CBFA2T3: variants seen among roughly 807,000 people sequenced by gnomAD.
The protein encoded by CBFA2T3 is CBFA2/RUNX1 partner transcriptional co-repressor 3.
Under a neutral mutation model 58.6 loss-of-function variants are expected in CBFA2T3, and 31 were observed. That is an observed-to-expected ratio of 0.53 (90% CI 0.40 to 0.71). The LOEUF (loss-of-function observed/expected upper bound fraction) is 0.71. Ranked by LOEUF, CBFA2T3 falls within the 30% of genes least tolerant of loss-of-function variation. The pLI is 0.00. For synonymous variants in CBFA2T3, 531 were observed against 421.9 expected (o/e 1.26, Z -3.17); for missense variants, 1,076 against 963.1 (o/e 1.12, Z -1.55).
Position 88,885,630 on chromosome 16 carries a change from A to G in CBFA2T3, c.893+331T>C, listed in dbSNP as rs1969335064. The G allele has an allele frequency of 2.4e-6, 1 of 422,718 alleles. No homozygotes were observed. The highest frequency in any genetic ancestry group is 4.3e-6 in the Non-Finnish European group (1 of 234,930). The allele number at this position is 422,718 out of a possible 1,614,324, so 26.2% of individuals were successfully genotyped here. On this transcript the variant is annotated intron_variant, in intron 6 of 11. Transcript: ENST00000268679. The surrounding 1 kb of genome is among the most constrained non-coding windows in gnomAD (Gnocchi z 5.3). ...GCAGCACAAGAGCGTCTGGGGCAGC[A>G]GAGGGGGCCCAGCCCAGGCACCTGG...
chr16:88,896,899 C>T (rs1199234288), intron 3 of CBFA2T3, among the ~76,000 whole-genome samples: 1 of 152,256 alleles, frequency 6.6e-6, no homozygotes, highest in Admixed American at 6.5e-5. Flanking sequence ...CTCCCTCCCG[C>T]GCTGCTGGGC....
intron 1 of CBFA2T3, among the ~76,000 whole-genome samples, chr16:88,971,893 C>A (rs1382926901): frequency 6.6e-6 from 1 of 152,242 alleles, no homozygotes; most frequent in Non-Finnish European, 1.5e-5. Context: ...TGCCGGAAAA[C>A]CCCTGCCCAG....
intron 1 of CBFA2T3, chr16:88,957,724 G>C (rs1899433659): frequency 6.6e-6 from 1 of 152,318 alleles, no homozygotes; most frequent in Admixed American, 6.5e-5. Flanking sequence ...GCTCCAGTGG[G>C]GATGGACCCA....
At chr16:88,940,646 C>G (rs1971687292) in intron 1 of CBFA2T3, among the ~76,000 whole-genome samples, 1 of 152,148 alleles carries the variant, frequency 6.6e-6, no homozygotes, top group African/African-American at 2.4e-5. Context: ...CCTCCCCAGA[C>G]CGGCCGCCGC....
At chr16:88,935,024 G>A (rs1243734826) in intron 1 of CBFA2T3, among the ~76,000 whole-genome samples, 1 of 152,122 alleles carries the variant, frequency 6.6e-6, no homozygotes, top group Non-Finnish European at 1.5e-5. Flanking sequence ...ACAGGCGTAA[G>A]CCACCGTGCC....
At chr16:88,943,652 C>T (rs1483222707) in intron 1 of CBFA2T3, among the ~76,000 whole-genome samples, 1 of 152,182 alleles carries the variant, frequency 6.6e-6, no homozygotes, top group Non-Finnish European at 1.5e-5. Flanking sequence ...CAGAGCTGGG[C>T]ACCGTCTCTG....
chr16:88,896,969 G>A (rs1279773378), intron 3 of CBFA2T3, among the ~76,000 whole-genome samples: 1 of 152,226 alleles, frequency 6.6e-6, no homozygotes, highest in Non-Finnish European at 1.5e-5. Flanking sequence ...TCATTCCCAC[G>A]ACAGGTGTGT....
At chr16:88,907,595 G>T (rs570692713) in intron 1 of CBFA2T3, among the ~76,000 whole-genome samples, 23 of 152,302 alleles carry the variant, frequency 1.5e-4, no homozygotes, top group African/African-American at 5.5e-4. Context: ...CTGAGGAGGG[G>T]GAGAGCCAGG....
intron 1 of CBFA2T3, among the ~76,000 whole-genome samples, 160 bp downstream of exon 1, chr16:88,976,497 G>A (rs1010169931): frequency 6.6e-6 from 1 of 152,170 alleles, no homozygotes; most frequent in Non-Finnish European, 1.5e-5. Context: ...ACCTGCCTGT[G>A]GGGTGGCCCT....
intron 1 of CBFA2T3, among the ~76,000 whole-genome samples, chr16:88,942,011 C>T (rs1196395364): frequency 1.3e-5 from 2 of 151,878 alleles, no homozygotes; most frequent in Non-Finnish European, 2.9e-5. Flanking sequence ...TCCCCCCGCT[C>T]AGCCTCCCGG....
intron 1 of CBFA2T3, among the ~76,000 whole-genome samples, chr16:88,924,882 C>A (rs1162734930): frequency 6.6e-6 from 1 of 152,254 alleles, no homozygotes. Flanking sequence ...CCGCCTCCCA[C>A]CTCACTGAGT....
chr16:88,935,861 G>C (rs1343467315), intron 1 of CBFA2T3, among the ~76,000 whole-genome samples: 1 of 152,232 alleles, frequency 6.6e-6, no homozygotes, highest in Admixed American at 6.5e-5. Context: ...AAATGCCTTT[G>C]TGACTGCATT....
intron 1 of CBFA2T3, chr16:88,941,150 G>A: frequency 1.0e-6 from 1 of 983,440 alleles, no homozygotes; most frequent in Non-Finnish European, 1.2e-6. Context: ...GTCTTCTGGC[G>A]CCGCACCGGG....
At position 88,875,094 on chromosome 16, in the gene CBFA2T3, T is replaced by C. The variant is rs547100577; in HGVS notation, c.*1882A>G. 63 of 235,900 alleles carry C rather than the reference T, an allele frequency of 2.7e-4. No homozygotes were observed. The highest frequency in any genetic ancestry group is 1.3e-3 in the African/African-American group (60 of 45,084). 14.6% of individuals were successfully genotyped at this position (235,900 alleles called of 1,614,324 possible). A position where few individuals can be genotyped will look rare whatever the true frequency, so the allele number is the denominator to read the frequency against. On this transcript the variant is annotated 3_prime_UTR_variant, in exon 12 of 12. Coordinates refer to ENST00000268679, the MANE Select transcript of CBFA2T3 (RefSeq NM_005187.6). ...CCACGGGCCACGCCACGCGCACAGA[T>C]GCCAGGCCACGGGCCACGCCACACA... is the stretch of plus-strand genomic sequence containing the variant.
intron 1 of CBFA2T3, among the ~76,000 whole-genome samples, chr16:88,975,207 TGACC>T (rs1972811532): frequency 9.2e-6 from 1 of 109,220 alleles, no homozygotes; most frequent in Admixed American, 8.8e-5. Flanking sequence ...AGGTCCACCC[TGACC>T]CTCTGCTCCT....
In CBFA2T3 at chr16:88,881,392, C is replaced by G; in HGVS notation, c.1301G>C (p.Trp434Ser). 1 of 1,603,094 alleles carries G rather than the reference C, an allele frequency of 6.2e-7. No individual in the cohort carries two copies. The highest frequency in any genetic ancestry group is 1.7e-5 in the Admixed American group (1 of 59,012). Residue 434 changes from tryptophan (W) to serine (S), a missense_variant, in exon 9 of 12, where the codon TGG becomes TCG. By Grantham distance (177) the Trp-to-Ser change is radical (BLOSUM62 -3). Coordinates refer to ENST00000268679, the MANE Select transcript of CBFA2T3 (RefSeq NM_005187.6). ...QEADREELNHWARRYSDAEDT... is the reference protein window; with the variant it reads ...QEADREELNHSARRYSDAEDT... Reference sequence around the variant, plus strand: ...CTCGGCGTCGCTGTAGCGCCGCGCCCAGTGGTTGAGCTCCTCGCGGTCGGC... The same window carrying G: ...CTCGGCGTCGCTGTAGCGCCGCGCCGAGTGGTTGAGCTCCTCGCGGTCGGC...
intron 8 of CBFA2T3, 71 bp from the exon 9 acceptor site, chr16:88,881,560 T>G: frequency 1.3e-6 from 2 of 1,491,280 alleles, no homozygotes; most frequent in Non-Finnish European, 1.8e-6. Context: ...CCCAGCCCAC[T>G]CGGCCAGAGC....
At chr16:88,963,805 G>A (rs545217445) in intron 1 of CBFA2T3, among the ~76,000 whole-genome samples, 1 of 152,382 alleles carries the variant, frequency 6.6e-6, no homozygotes, top group South Asian at 2.1e-4. Flanking sequence ...GTGACTCAGG[G>A]TTCTGCGGGA....
rs532562914 is a variant in CBFA2T3 at position 88,876,657 on chromosome 16, C to T, written c.*319G>A. The T allele has an allele frequency of 2.6e-4, 88 of 337,578 alleles. No individual in the cohort carries two copies. Among genetic ancestry groups the T allele is most frequent in the African/African-American group, 1.5e-3 (71 of 47,764 alleles). 20.9% of individuals were successfully genotyped at this position (337,578 alleles called of 1,614,324 possible). On this transcript the variant is annotated 3_prime_UTR_variant, in exon 12 of 12. Transcript: ENST00000268679. ...AGAGGAAAAGAGAGGTGGGCAGAGC[C>T]GCCGCGCCTGCGGCATCTGCTCTGC... is the stretch of plus-strand genomic sequence containing the variant.
Sources: gnomAD v4.1 joint callset for allele counts (sites outside exome capture counted in the v4.1 genomes callset) on GRCh38, gnomAD v4.1.1 for gene constraint, Gnocchi (gnomAD v3.1) non-coding constraint, MANE v1.5 for transcripts, NCBI Gene and HGNC (gene_info 2026-07-23, HGNC 2026-07-21) for gene names.